The following LYRM4 variants were observed in gnomAD, a reference collection of about 807,000 sequenced individuals.
The protein encoded by LYRM4 is LYR motif containing 4.
A neutral mutation model predicts 11.7 loss-of-function variants in LYRM4; 9 were observed. The ratio of observed to expected loss-of-function variants is 0.77; its 90% CI spans 0.46 to 1.34. The LOEUF (loss-of-function observed/expected upper bound fraction) is 1.34, where lower values mean the gene tolerates loss of function less well. LYRM4 is among the 40% of genes most tolerant of loss of function. The probability of loss-of-function intolerance (pLI) is 0.00; values close to 1 mark genes in which losing one functional copy is unlikely to be tolerated. For synonymous variants in LYRM4, 42 were observed against 40.4 expected (o/e 1.04, Z -0.15); for missense variants, 133 against 112.5 (o/e 1.18, Z -0.82).
At chr6:5,260,608 C>CGG in intron 1 of LYRM4, 40 bp downstream of exon 1, 12 of 1,338,032 alleles carry the variant, frequency 9.0e-6, no homozygotes, top group Non-Finnish European at 1.2e-5. Flanking sequence ...TCCCCGGCCC[C>CGG]TGGCCCCCCG....
chr6:5,119,624 T>C (rs1763316061), intron 2 of LYRM4, among the ~76,000 whole-genome samples: 1 of 151,598 alleles, frequency 6.6e-6, no homozygotes, highest in African/African-American at 2.4e-5. Flanking sequence ...CCGTCGCTAC[T>C]AAAAATACAA....
chr6:5,042,090 G>T, the LYRM4 span, among the ~76,000 whole-genome samples: 6 of 152,056 alleles, frequency 3.9e-5, no homozygotes, highest in African/African-American at 1.5e-4. Flanking sequence ...GGGAGGGGAG[G>T]GTGTCCGTGG....
intron 1 of LYRM4, among the ~76,000 whole-genome samples, chr6:5,229,357 C>A (rs952190315): frequency 4.6e-5 from 7 of 152,174 alleles, no homozygotes; most frequent in African/African-American, 1.4e-4. Flanking sequence ...TACCAATTTG[C>A]CAAAGCGGGC....
At chr6:5,198,603 G>A (rs1386266606) in intron 2 of LYRM4, among the ~76,000 whole-genome samples, 3 of 152,310 alleles carry the variant, frequency 2.0e-5, no homozygotes, top group South Asian at 2.1e-4. Context: ...AGCTCCAGAT[G>A]CTCTGAATTA....
intron 2 of LYRM4, among the ~76,000 whole-genome samples, chr6:5,149,884 C>T (rs9504354): frequency 0.16 from 24,645 of 152,198 alleles, 2,238 homozygotes; most frequent in African/African-American, 0.22. Flanking sequence ...CATCATGGTA[C>T]TACGTTTGTT....
chr6:5,107,654 TC>T (rs1177789088), downstream of LYRM4: 1 of 152,180 alleles, frequency 6.6e-6, no homozygotes, highest in East Asian at 1.9e-4. Flanking sequence ...ACACTGCAGC[TC>T]CCAGGCAGGA....
chr6:5,109,298 T>A lies in LYRM4; in HGVS notation c.*125A>T. On this transcript the variant is annotated 3_prime_UTR_variant, in exon 3 of 3. Coordinates refer to ENST00000330636, the MANE Select transcript of LYRM4 (RefSeq NM_020408.6). ...CAGAATGCAAATGTGACTTGGTTTA[T>A]CAGCTCCCACAGGACAGGCAGCGCA... The A allele has an allele frequency of 6.5e-7, 1 of 1,542,498 alleles. No individual in the cohort carries two copies. The highest frequency in any genetic ancestry group is 8.8e-7 in the Non-Finnish European group (1 of 1,140,852).
Position 5,260,696 on chromosome 6 carries a change from T to C in LYRM4, c.38A>G (p.Tyr13Cys). 5 of 1,541,018 alleles carry C rather than the reference T, an allele frequency of 3.2e-6. No individual in the cohort carries two copies. The highest frequency in any genetic ancestry group is 2.6e-6 in the Non-Finnish European group (3 of 1,142,364). The change falls in exon 1 of 3, where the codon TAC becomes TGC. Residue 13 changes from tyrosine to cysteine, a missense_variant. Tyr to Cys is a radical substitution (Grantham distance 194). Transcript: ENST00000330636. ...CTTGCTCTCTCTCAGCATCGCCCGG[T>C]ACAGAGATAACACTTGTGCGCGACT... The part of the protein sequence containing the change: ...ASSRAQVLSL[Y>C]RAMLRESKRF...
intron 2 of LYRM4, among the ~76,000 whole-genome samples, chr6:5,115,644 C>A (rs1377672695): frequency 6.6e-6 from 1 of 152,036 alleles, no homozygotes; most frequent in East Asian, 1.9e-4. Flanking sequence ...CCACAGGAAA[C>A]CCACAGAATA....
rs527812185 is a variant in LYRM4, at chr6:5,182,650, C to G, written c.207+33968G>C. Among the ~76,000 whole-genome samples the G allele has an allele frequency of 2.6e-5, 4 of 152,284 alleles. No individual in the cohort carries two copies. In the East Asian group the frequency reaches 7.7e-4, roughly 29 times the overall value. On this transcript the variant is annotated intron_variant, in intron 2 of 2. Transcript: ENST00000330636. ...TTAGAACAATGACTTTAGGAGAGCCCAGGGGCTCAGAACTACGAGCCTGAA... is the reference window on the plus strand; with the variant it reads ...TTAGAACAATGACTTTAGGAGAGCCGAGGGGCTCAGAACTACGAGCCTGAA...
At chr6:5,252,882 C>A (rs1277441227) in intron 1 of LYRM4, among the ~76,000 whole-genome samples, 2 of 152,116 alleles carry the variant, frequency 1.3e-5, no homozygotes, top group African/African-American at 4.8e-5. Context: ...TAAATAAGCT[C>A]TGGCAGCTAC....
intron 2 of LYRM4, among the ~76,000 whole-genome samples, chr6:5,152,385 C>G (rs955909299): frequency 3.3e-5 from 5 of 152,196 alleles, no homozygotes; most frequent in South Asian, 2.1e-4. Context: ...CAATGAATGA[C>G]ACACATGTAC....
chr6:5,249,099 T>C (rs1221670446), intron 1 of LYRM4, among the ~76,000 whole-genome samples: 2 of 152,258 alleles, frequency 1.3e-5, no homozygotes, highest in East Asian at 1.9e-4. Flanking sequence ...GAGACAACTA[T>C]GTAGTAATTA....
At chr6:5,191,598 T>C (rs1418921220) in intron 2 of LYRM4, among the ~76,000 whole-genome samples, 1 of 152,012 alleles carries the variant, frequency 6.6e-6, no homozygotes, top group African/African-American at 2.4e-5. Flanking sequence ...AAACGGGCCC[T>C]AGTGTGTTAT....
the LYRM4 span, among the ~76,000 whole-genome samples, chr6:5,080,522 C>A: frequency 6.6e-6 from 1 of 152,126 alleles, no homozygotes; most frequent in African/African-American, 2.4e-5. Flanking sequence ...CCAAGTTATT[C>A]CAGGTTTTTG....
chr6:5,249,775 C>T, intron 1 of LYRM4, among the ~76,000 whole-genome samples: 1 of 152,168 alleles, frequency 6.6e-6, no homozygotes, highest in East Asian at 1.9e-4. Flanking sequence ...AAGGTCAGAA[C>T]TTTCCTAAAT....
rs968250623 is a variant in LYRM4, at chr6:5,171,548, A to C, written c.207+45070T>G. Among the ~76,000 whole-genome samples the C allele has an allele frequency of 1.1e-4, 17 of 152,382 alleles. 2 individuals carry two copies. The highest frequency in any genetic ancestry group is 4.1e-4 in the African/African-American group (17 of 41,596). On this transcript the variant is annotated intron_variant, in intron 2 of 2. Transcript: ENST00000330636. ...GGGGAGAAACAGTGAAGGCTAAAAG[A>C]AAGCCAGGAAATATTTTTATAAGCA...
At chr6:5,258,386 G>T (rs774638904) in intron 1 of LYRM4, among the ~76,000 whole-genome samples, 1 of 152,220 alleles carries the variant, frequency 6.6e-6, no homozygotes, top group African/African-American at 2.4e-5. Flanking sequence ...CTGTGCCTCA[G>T]TTGCCTTACA....
chr6:5,160,043 A>C (rs1758658692), intron 2 of LYRM4, among the ~76,000 whole-genome samples: 1 of 152,190 alleles, frequency 6.6e-6, no homozygotes, highest in African/African-American at 2.4e-5. Flanking sequence ...AAGCAGTTCG[A>C]GGACCACCCA....
Sources: gnomAD v4.1 joint callset for allele counts (sites outside exome capture counted in the v4.1 genomes callset) on GRCh38, gnomAD v4.1.1 for gene constraint, MANE v1.5 for transcripts, NCBI Gene and HGNC (gene_info 2026-07-23, HGNC 2026-07-21) for gene names.